Variants in MAP3K9 observed in about 807,000 individuals in gnomAD.
MAP3K9 encodes mitogen-activated protein kinase kinase kinase 9, also known as mixed lineage kinase 1 (tyr and ser/thr specificity).
Under a neutral mutation model 95.8 loss-of-function variants are expected in MAP3K9, and 46 were observed. The ratio of observed to expected loss-of-function variants is 0.48; its 90% CI spans 0.38 to 0.61. The LOEUF is 0.61. Among genes scored for constraint, MAP3K9 ranks in the 20% least tolerant of loss-of-function variants. MAP3K9 has a pLI of 0.00. For synonymous variants in MAP3K9, 533 were observed against 593.8 expected (o/e 0.90, Z 1.49); for missense variants, 1,296 against 1,474.3 (o/e 0.88, Z 1.98).
chr14:70,808,606 A>G (rs8022410), intron 1 of MAP3K9, among the ~76,000 whole-genome samples, 160 bp downstream of exon 1: 90,150 of 151,360 alleles, frequency 0.6, 26,962 homozygotes, highest in South Asian at 0.66. Context: ...TCCAGCAAGC[A>G]AAGCCCGGGC....
At chr14:70,770,943 G>A (rs1032425934) in intron 2 of MAP3K9, among the ~76,000 whole-genome samples, 10 of 151,904 alleles carry the variant, frequency 6.6e-5, no homozygotes, top group Non-Finnish European at 2.9e-5. Context: ...ATTTTTTTCT[G>A]TGCTTGCTGT....
intron 2 of MAP3K9, among the ~76,000 whole-genome samples, chr14:70,794,270 T>G (rs2054837902): frequency 6.6e-6 from 1 of 152,176 alleles, no homozygotes; most frequent in South Asian, 2.1e-4. Context: ...CCAAACCAAA[T>G]ACAGTTCACC....
rs1566718788 is a variant in MAP3K9, at chr14:70,723,548, T to C, written c.*6832A>G. The C allele has an allele frequency of 2.6e-5, 4 of 152,112 alleles. No homozygotes were observed. Among genetic ancestry groups the C allele is most frequent in the Admixed American group, 2.6e-4 (4 of 15,278 alleles). 9.4% of individuals were successfully genotyped at this position (152,112 alleles called of 1,614,324 possible). A position where few individuals can be genotyped will look rare whatever the true frequency, so the allele number is the denominator to read the frequency against. ...GTGGACCTGAGCTAGGCCAACTTTA[T>C]CTCAAGAGCTTCTAAGTAGTGGCTT... On this transcript the variant is annotated 3_prime_UTR_variant, in exon 12 of 12. Transcript: ENST00000554752.
chr14:70,739,546 A>T (rs58162675), intron 7 of MAP3K9, among the ~76,000 whole-genome samples: 87,707 of 151,150 alleles, frequency 0.58, 25,649 homozygotes, highest in Middle Eastern at 0.66. Context: ...ATGTGTGAGT[A>T]TTTTTTTTAA....
chr14:70,795,941 G>A (rs1044984338), intron 2 of MAP3K9, among the ~76,000 whole-genome samples: 38 of 151,836 alleles, frequency 2.5e-4, no homozygotes, highest in African/African-American at 9.2e-4. Flanking sequence ...TTTTAGTAGA[G>A]ATGGGGTTTC....
intron 10 of MAP3K9, chr14:70,733,925 C>G: frequency 1.5e-6 from 1 of 664,084 alleles, no homozygotes; most frequent in Admixed American, 2.2e-5. Flanking sequence ...GGTTCTTCAG[C>G]CTTTGGACTC....
chr14:70,762,512 T>C (rs759909508), intron 2 of MAP3K9, among the ~76,000 whole-genome samples: 1 of 152,222 alleles, frequency 6.6e-6, no homozygotes, highest in Non-Finnish European at 1.5e-5. Flanking sequence ...TGAACATCTA[T>C]CTTCTCATGA....
At chr14:70,798,825 C>G (rs1166085176) in intron 2 of MAP3K9, among the ~76,000 whole-genome samples, 1 of 151,478 alleles carries the variant, frequency 6.6e-6, no homozygotes, top group East Asian at 1.9e-4. Flanking sequence ...GGGGGTGGGG[C>G]GGGGATGAAA....
At chr14:70,777,521 T>C (rs952972710) in intron 2 of MAP3K9, among the ~76,000 whole-genome samples, 1 of 152,182 alleles carries the variant, frequency 6.6e-6, no homozygotes, top group Non-Finnish European at 1.5e-5. Flanking sequence ...ATGGTTATTT[T>C]ACAGAAGGAG....
At chr14:70,749,191 A>G (rs561365702) in intron 4 of MAP3K9, among the ~76,000 whole-genome samples, 187 bp from the exon 5 acceptor site, 1 of 152,328 alleles carries the variant, frequency 6.6e-6, no homozygotes, top group East Asian at 1.9e-4. Flanking sequence ...TTACAACCAT[A>G]AAGAGTGAAA....
At chr14:70,756,302 A>G (rs1175973141) in intron 3 of MAP3K9, among the ~76,000 whole-genome samples, 1 of 152,236 alleles carries the variant, frequency 6.6e-6, no homozygotes, top group East Asian at 1.9e-4. Context: ...AGTGTGTGAC[A>G]GTAAAACCTG....
intron 2 of MAP3K9, among the ~76,000 whole-genome samples, chr14:70,786,670 G>A (rs1328580007): frequency 6.6e-6 from 1 of 152,168 alleles, no homozygotes; most frequent in African/African-American, 2.4e-5. Context: ...GAGTAACAGT[G>A]TTCCATTGTC....
chr14:70,784,421 AT>A, intron 2 of MAP3K9, among the ~76,000 whole-genome samples: 1 of 152,272 alleles, frequency 6.6e-6, no homozygotes, highest in East Asian at 1.9e-4. Flanking sequence ...TGCAAGCACA[AT>A]TTTGGTTCAG....
intron 2 of MAP3K9, among the ~76,000 whole-genome samples, chr14:70,778,527 C>T (rs558301885): frequency 5.3e-4 from 80 of 152,240 alleles, no homozygotes; most frequent in Middle Eastern, 6.8e-3. Flanking sequence ...CCACCGTCCT[C>T]GGCCTCCCAA....
chr14:70,742,676 G>A, intron 5 of MAP3K9, 85 bp from the exon 6 acceptor site: 1 of 1,497,130 alleles, frequency 6.7e-7, no homozygotes, highest in Non-Finnish European at 9.0e-7. Flanking sequence ...AGCTCCCAGA[G>A]GGCTTATGGT....
intron 5 of MAP3K9, among the ~76,000 whole-genome samples, chr14:70,745,971 T>C (rs1652318841): frequency 6.6e-6 from 1 of 152,236 alleles, no homozygotes; most frequent in Non-Finnish European, 1.5e-5. Context: ...TCTTCCTTGA[T>C]GAAATAAACC....
At chr14:70,744,945 C>A (rs934871219) in intron 5 of MAP3K9, among the ~76,000 whole-genome samples, 3 of 152,206 alleles carry the variant, frequency 2.0e-5, no homozygotes, top group Non-Finnish European at 4.4e-5. Flanking sequence ...TCCCTACCTC[C>A]CCTTTATCCT....
At position 70,780,643 on chromosome 14, in the gene MAP3K9, C is replaced by T. The variant is rs114518033; in HGVS notation, c.821-19461G>A. On this transcript the variant is annotated intron_variant, in intron 2 of 11. Transcript: ENST00000554752. Reference sequence around the variant, plus strand: ...AGAAAACACAGCTGGGACTCCATCCCTCACCTCATCCAGGCGCAGATATCA... The same window carrying T: ...AGAAAACACAGCTGGGACTCCATCCTTCACCTCATCCAGGCGCAGATATCA... Among the ~76,000 whole-genome samples, 434 of 152,288 alleles carry T rather than the reference C, an allele frequency of 2.8e-3. 1 individual carries two copies. The highest frequency in any genetic ancestry group is 9.8e-3 in the African/African-American group (409 of 41,532).
At chr14:70,782,751 T>C (rs1425994978) in intron 2 of MAP3K9, among the ~76,000 whole-genome samples, 9 of 152,164 alleles carry the variant, frequency 5.9e-5, no homozygotes, top group African/African-American at 2.2e-4. Context: ...TCCATGTCCA[T>C]TGCATGGGGA....
Sources: gnomAD v4.1 joint callset for allele counts (sites outside exome capture counted in the v4.1 genomes callset) on GRCh38, gnomAD v4.1.1 for gene constraint, MANE v1.5 for transcripts, NCBI Gene and HGNC (gene_info 2026-07-23, HGNC 2026-07-21) for gene names.